RPS6KA2: variants seen among roughly 807,000 people sequenced by gnomAD.
The protein encoded by RPS6KA2 is ribosomal protein S6 kinase alpha-2.
In RPS6KA2, 42 loss-of-function variants were observed where a neutral mutation model predicts 91.8. That is an observed-to-expected ratio of 0.46 (90% CI 0.36 to 0.59). The LOEUF is 0.59. Ranked by LOEUF, RPS6KA2 falls within the 20% of genes least tolerant of loss-of-function variation. The pLI is 0.00. For synonymous variants in RPS6KA2, 414 were observed against 393.6 expected (o/e 1.05, Z -0.61); for missense variants, 798 against 978.5 (o/e 0.82, Z 2.46).
chr6:166,754,876 G>A (rs570153814), intron 2 of RPS6KA2, among the ~76,000 whole-genome samples: 10 of 152,298 alleles, frequency 6.6e-5, no homozygotes, highest in East Asian at 3.9e-4. Context: ...CCAGGGCGGC[G>A]GGTTCAGGCC....
chr6:166,696,069 T>C (rs992982899), intron 2 of RPS6KA2, among the ~76,000 whole-genome samples: 24 of 152,150 alleles, frequency 1.6e-4, no homozygotes, highest in Middle Eastern at 3.2e-3. Context: ...CACGGAAACA[T>C]TGTCTTCCAC....
At chr6:166,830,361 A>C (rs547500589) in intron 2 of RPS6KA2, among the ~76,000 whole-genome samples, 5 of 152,210 alleles carry the variant, frequency 3.3e-5, no homozygotes, top group African/African-American at 1.2e-4. Flanking sequence ...GGAAGTGGAG[A>C]ACAGAGAGTT....
At chr6:166,450,309 AGGGACCACCAGG>A (rs1779850598) in intron 13 of RPS6KA2, among the ~76,000 whole-genome samples, 1 of 144,216 alleles carries the variant, frequency 6.9e-6, no homozygotes, top group Non-Finnish European at 1.5e-5. Flanking sequence ...GGACCACCAT[AGGGACCACCAGG>A]GGGACCACCA....
chr6:166,497,969 G>C (rs945688683), intron 8 of RPS6KA2, among the ~76,000 whole-genome samples: 1 of 146,156 alleles, frequency 6.8e-6, no homozygotes, highest in Non-Finnish European at 1.5e-5. Context: ...GGGAGAGTGG[G>C]ATTGGGGGAG....
chr6:166,499,187 A>T (rs1047987022), intron 7 of RPS6KA2, among the ~76,000 whole-genome samples: 1 of 152,166 alleles, frequency 6.6e-6, no homozygotes, highest in Non-Finnish European at 1.5e-5. Context: ...AAGAACAGGG[A>T]TCTCCAGGTG....
rs1783370439 is a variant in RPS6KA2 at position 166,533,546 on chromosome 6, C to T, written c.217-2233G>A. 6.6e-6 allele frequency among the ~76,000 whole-genome samples: 1 copy of T among 152,224 alleles called. No homozygotes were observed. The highest frequency in any genetic ancestry group is 1.5e-5 in the Non-Finnish European group (1 of 68,036). On this transcript the variant is annotated intron_variant, in intron 2 of 20. Coordinates refer to ENST00000265678, the MANE Select transcript of RPS6KA2 (RefSeq NM_021135.6). The surrounding 1 kb of genome is among the most constrained non-coding windows in gnomAD (Gnocchi z 4.0). ...ACCAGCAAGGGCAGGGGTGTGCCTTCCTGGCCTAGGCAATGAAGAGCAGGT... is the reference window on the plus strand; with the variant it reads ...ACCAGCAAGGGCAGGGGTGTGCCTTTCTGGCCTAGGCAATGAAGAGCAGGT...
intron 2 of RPS6KA2, among the ~76,000 whole-genome samples, chr6:166,734,469 A>G (rs192765162): frequency 3.9e-5 from 6 of 152,324 alleles, no homozygotes; most frequent in Admixed American, 3.9e-4. Context: ...TCACCATCTT[A>G]CCATCCAATG....
At chr6:166,757,229 G>A (rs1274287656) in intron 2 of RPS6KA2, among the ~76,000 whole-genome samples, 2 of 152,062 alleles carry the variant, frequency 1.3e-5, no homozygotes, top group Non-Finnish European at 2.9e-5. Context: ...GAAAAATTAC[G>A]GACACCCTTC....
chr6:166,536,566 T>G (rs898329030), intron 2 of RPS6KA2, among the ~76,000 whole-genome samples: 3 of 152,204 alleles, frequency 2.0e-5, no homozygotes, highest in African/African-American at 7.2e-5. Context: ...TGAGCAACGC[T>G]TTTGAGAATA....
At position 166,413,918 on chromosome 6, in the gene RPS6KA2, T is replaced by C; in HGVS notation, c.1952A>G (p.Lys651Arg). 2.5e-6 allele frequency: 4 copies of C among 1,613,946 alleles called. No individual in the cohort carries two copies. Among genetic ancestry groups the C allele is most frequent in the Non-Finnish European group, 3.4e-6 (4 of 1,179,988 alleles). ...CTGATGAGGGTCCACGTGGAGCATC[T>C]TGGACACGACGTCCTGCCAGGGAAG... is the stretch of plus-strand genomic sequence containing the variant. ...ISDAAKDVVS[K>R]MLHVDPHQRL... The change falls in exon 20 of 21, where the codon AAG (lysine) becomes AGG (arginine). Residue 651 changes from lysine (K) to arginine (R), a missense_variant. Physicochemically the swap from Lys to Arg is conservative, Grantham distance 26. Transcript: ENST00000265678.
At chr6:166,687,095 C>G (rs990888825) in intron 2 of RPS6KA2, among the ~76,000 whole-genome samples, 9 of 152,184 alleles carry the variant, frequency 5.9e-5, no homozygotes, top group Non-Finnish European at 1.2e-4. Context: ...CTGCCTGGGC[C>G]GTGGAGATCC....
chr6:166,690,360 C>A (rs947865086), intron 2 of RPS6KA2, among the ~76,000 whole-genome samples: 1 of 152,170 alleles, frequency 6.6e-6, no homozygotes, highest in Non-Finnish European at 1.5e-5. Context: ...GACAGAGCAT[C>A]CTAGCCCCAG....
At chr6:166,667,562 A>T (rs1013837214) in intron 2 of RPS6KA2, among the ~76,000 whole-genome samples, 1 of 152,198 alleles carries the variant, frequency 6.6e-6, no homozygotes, top group African/African-American at 2.4e-5. Flanking sequence ...TCATTTAGTC[A>T]GGAAAAATGT....
chr6:166,522,671 C>T (rs907699348), intron 3 of RPS6KA2, among the ~76,000 whole-genome samples: 1 of 152,172 alleles, frequency 6.6e-6, no homozygotes, highest in Admixed American at 6.5e-5. Flanking sequence ...AAATTATATC[C>T]CGAGCAGTCT....
intron 2 of RPS6KA2, among the ~76,000 whole-genome samples, chr6:166,847,496 C>T (rs1394325983): frequency 1.3e-5 from 2 of 152,158 alleles, no homozygotes; most frequent in Non-Finnish European, 2.9e-5. Context: ...ATTATATTAC[C>T]TGACTCCAAA....
intron 1 of RPS6KA2, among the ~76,000 whole-genome samples, chr6:166,568,621 G>GGAAAAAAAA (rs1784578566): frequency 6.6e-5 from 3 of 45,550 alleles, no homozygotes; most frequent in Non-Finnish European, 1.2e-4. Context: ...CTCCATCTCA[G>GGAAAAAAAA]AAAAAAAAAA....
chr6:166,496,839 C>A (rs1026718510), intron 8 of RPS6KA2, among the ~76,000 whole-genome samples: 5 of 152,200 alleles, frequency 3.3e-5, no homozygotes, highest in African/African-American at 1.2e-4. Context: ...GAACTGGAAT[C>A]TCTCCTGAAG....
At chr6:166,436,329 A>AC (rs1562492178) in intron 14 of RPS6KA2, among the ~76,000 whole-genome samples, 1 of 151,898 alleles carries the variant, frequency 6.6e-6, no homozygotes, top group African/African-American at 2.4e-5. Flanking sequence ...AAAAAAAAAA[A>AC]AAAAACCTCA....
chr6:166,469,742 T>C, intron 11 of RPS6KA2, 99 bp downstream of exon 11: 1 of 1,087,746 alleles, frequency 9.2e-7, no homozygotes, highest in Non-Finnish European at 1.4e-6. Context: ...GACCTACTTG[T>C]GACCCGGACA....
Sources: allele counts gnomAD v4.1 joint callset (sites outside exome capture counted in the v4.1 genomes callset), GRCh38; gene constraint gnomAD v4.1.1; non-coding constraint Gnocchi (gnomAD v3.1); transcripts MANE v1.5; gene names NCBI Gene and HGNC (gene_info 2026-07-23, HGNC 2026-07-21).